The following RADX variants were observed in gnomAD, a reference collection of about 807,000 sequenced individuals.
RADX encodes the protein RPA1 related single stranded DNA binding protein, X-linked, also known as RPA-related protein RADX.
RADX carries 36 observed loss-of-function variants against 61.6 expected under a neutral mutation model. That is an observed-to-expected ratio of 0.58 (90% CI 0.45 to 0.77). The LOEUF is 0.77. Among genes scored for constraint, RADX ranks in the 30% least tolerant of loss-of-function variants. The probability of loss-of-function intolerance (pLI) is 0.00; values close to 1 mark genes in which losing one functional copy is unlikely to be tolerated. For synonymous variants in RADX, 272 were observed against 237.9 expected (o/e 1.14, Z -1.32); for missense variants, 497 against 651.1 (o/e 0.76, Z 2.58).
chrX:106,614,859 A>C lies in RADX; in HGVS notation c.643+2136A>C, dbSNP rs185938802. 2.7e-5 allele frequency among the ~76,000 whole-genome samples: 3 copies of C among 111,532 alleles called. No individual in the cohort carries two copies. The Admixed American group carries it at 2.9e-4, about 11-fold the overall frequency. ...AAGTTTACCTTGTACACAGTAAAAA[A>C]AAAAGGTTTTAAAAATACAGCTTGA... On this transcript the variant is annotated intron_variant, in intron 1 of 13. Transcript: ENST00000372548.
intron 11 of RADX, among the ~76,000 whole-genome samples, chrX:106,660,386 A>G (rs886866312): frequency 5.3e-5 from 6 of 112,193 alleles, no homozygotes; most frequent in African/African-American, 1.9e-4. Flanking sequence ...ACTCAAACTA[A>G]TACTTTACCT....
At chrX:106,618,355 A>G (rs1926861248) in intron 1 of RADX, among the ~76,000 whole-genome samples, 1 of 111,581 alleles carries the variant, frequency 9.0e-6, no homozygotes. Flanking sequence ...AATAAAACAA[A>G]ATACAGATTG....
intron 11 of RADX, among the ~76,000 whole-genome samples, chrX:106,657,216 G>T (rs1055990614): frequency 1.8e-5 from 2 of 111,992 alleles, no homozygotes; most frequent in African/African-American, 6.5e-5. Flanking sequence ...ACCAATCTCT[G>T]CTAGCTTCCA....
chrX:106,651,407 G>A (rs1927790605), intron 11 of RADX, among the ~76,000 whole-genome samples: 1 of 111,187 alleles, frequency 9.0e-6, no homozygotes, highest in African/African-American at 3.3e-5. Flanking sequence ...GATAGTCAGA[G>A]ACTAAAAGAG....
At chrX:106,648,806 C>T (rs1387351753) in intron 11 of RADX, among the ~76,000 whole-genome samples, 4 of 110,146 alleles carry the variant, frequency 3.6e-5, no homozygotes, top group Non-Finnish European at 7.6e-5. Flanking sequence ...GTGGGGTGTC[C>T]GTAGAGTAGT....
intron 13 of RADX, among the ~76,000 whole-genome samples, chrX:106,676,773 A>G (rs1435331728): frequency 9.0e-6 from 1 of 111,707 alleles, no homozygotes; most frequent in East Asian, 2.8e-4. Flanking sequence ...CAGGCCATTT[A>G]CAATTCTGCC....
At chrX:106,666,953 C>G (rs772295873) in intron 12 of RADX, among the ~76,000 whole-genome samples, 2 of 112,011 alleles carry the variant, frequency 1.8e-5, no homozygotes, top group Admixed American at 9.5e-5. Flanking sequence ...AAAATGCACA[C>G]ATGTGTATTT....
At chrX:106,622,068 C>A (rs1926961755) in intron 1 of RADX, among the ~76,000 whole-genome samples, 2 of 108,614 alleles carry the variant, frequency 1.8e-5, no homozygotes, top group Admixed American at 9.9e-5. Context: ...TCTTGAGTAG[C>A]TGGAGCTATA....
chrX:106,662,712 C>CA (rs764434761), intron 12 of RADX, among the ~76,000 whole-genome samples: 635 of 54,202 alleles, frequency 0.012, 5 homozygotes, highest in East Asian at 0.019. Context: ...AAGCCCCTAC[C>CA]AAAAAAAAAA....
At chrX:106,631,697 C>A (rs1927222595) in intron 3 of RADX, among the ~76,000 whole-genome samples, 1 of 82,870 alleles carries the variant, frequency 1.2e-5, no homozygotes, top group African/African-American at 4.7e-5. Context: ...GAGTAAGGCC[C>A]TGTCAAAAAA....
intron 11 of RADX, among the ~76,000 whole-genome samples, chrX:106,650,153 T>C (rs1445952572): frequency 9.0e-6 from 1 of 111,025 alleles, no homozygotes; most frequent in Admixed American, 9.6e-5. Context: ...TGGAGAGATA[T>C]CAAAGAGCTT....
chrX:106,633,354 G>T, intron 6 of RADX, 102 bp downstream of exon 6: 1 of 669,439 alleles, frequency 1.5e-6, no homozygotes, highest in Non-Finnish European at 2.2e-6. Context: ...ACATTGAGTT[G>T]GCAATTCAAG....
At chrX:106,650,234 TGGAAGTATG>T (rs775485342) in intron 11 of RADX, among the ~76,000 whole-genome samples, 11 of 110,946 alleles carry the variant, frequency 9.9e-5, no homozygotes, top group Non-Finnish European at 1.9e-4. Flanking sequence ...CTGTGCAGCA[TGGAAGTATG>T]GTTGCAGTTC....
intron 12 of RADX, among the ~76,000 whole-genome samples, chrX:106,664,815 A>G (rs1928188577): frequency 9.0e-6 from 1 of 110,536 alleles, no homozygotes; most frequent in South Asian, 3.9e-4. Context: ...CTCCATTCAT[A>G]AGAGAGACTT....
Position 106,659,474 on chromosome X carries a change from A to G in RADX, c.1979-2541A>G, listed in dbSNP as rs1462975703. 3.6e-5 allele frequency among the ~76,000 whole-genome samples: 4 copies of G among 112,356 alleles called. No homozygotes were observed. The Middle Eastern group carries it at 0.019, about 523-fold the overall frequency. On this transcript the variant is annotated intron_variant, in intron 11 of 13. Coordinates refer to ENST00000372548, the MANE Select transcript of RADX (RefSeq NM_018015.6). Reference sequence around the variant, plus strand: ...AGATAATTGAAATAATAGAATGAAAATTATAATTGTAAAATATAAAAATAT... The same window carrying G: ...AGATAATTGAAATAATAGAATGAAAGTTATAATTGTAAAATATAAAAATAT...
intron 13 of RADX, among the ~76,000 whole-genome samples, chrX:106,673,255 T>C (rs1444376573): frequency 9.0e-6 from 1 of 111,211 alleles, no homozygotes; most frequent in Non-Finnish European, 1.9e-5. Context: ...AGCCAGCCAG[T>C]CTCAGAGTCT....
At chrX:106,613,832 T>C (rs1037866010) in intron 1 of RADX, among the ~76,000 whole-genome samples, 1 of 112,417 alleles carries the variant, frequency 8.9e-6, no homozygotes, top group Non-Finnish European at 1.9e-5. Context: ...AATAAGGCAG[T>C]AGTGCATTAC....
chrX:106,654,293 G>T (rs978042084), intron 11 of RADX, among the ~76,000 whole-genome samples: 2 of 104,088 alleles, frequency 1.9e-5, no homozygotes, highest in African/African-American at 8.5e-5. Context: ...TAGTGATGAT[G>T]ATTTTTTTTT....
intron 10 of RADX, among the ~76,000 whole-genome samples, chrX:106,642,652 G>A (rs896387322): frequency 8.9e-6 from 1 of 111,805 alleles, no homozygotes; most frequent in African/African-American, 3.3e-5. Context: ...CCACTCATCT[G>A]TTGATGGACA....
Sources: gnomAD v4.1 joint callset for allele counts (sites outside exome capture counted in the v4.1 genomes callset) on GRCh38, gnomAD v4.1.1 for gene constraint, MANE v1.5 for transcripts, NCBI Gene and HGNC (gene_info 2026-07-23, HGNC 2026-07-21) for gene names.